Variants in GRM7 observed in about 807,000 individuals in gnomAD.
GRM7 encodes the protein glutamate metabotropic receptor 7, also known as metabotropic glutamate receptor 7.
A neutral mutation model predicts 84.5 loss-of-function variants in GRM7; 35 were observed. The observed-to-expected ratio is 0.41, with a 90% CI of 0.32 to 0.55. The LOEUF is 0.55. GRM7 is among the 20% of genes least tolerant of loss of function. The pLI, the probability that GRM7 is intolerant of heterozygous loss-of-function variation, is 0.19. For missense variants in GRM7, 1,003 were observed against 1,194.6 expected (o/e 0.84, Z 2.36); for synonymous variants, 487 against 455.1 (o/e 1.07, Z -0.89).
chr3:7,455,868 T>G (rs927956658), intron 6 of GRM7, among the ~76,000 whole-genome samples: 1 of 152,134 alleles, frequency 6.6e-6, no homozygotes, highest in African/African-American at 2.4e-5. Context: ...TTTAAAAAAC[T>G]CTTTACTTTT....
Position 6,861,161 on chromosome 3 carries a change from G to C in GRM7, c.-228G>C, listed in dbSNP as rs943562225. 2.3e-5 allele frequency: 10 copies of C among 436,080 alleles called. No individual in the cohort carries two copies. Among genetic ancestry groups the C allele is most frequent in the Non-Finnish European group, 4.0e-5 (10 of 250,340 alleles). The allele number at this position is 436,080 out of a possible 1,614,324, so 27.0% of individuals were successfully genotyped here. A position where few individuals can be genotyped will look rare whatever the true frequency, so the allele number is the denominator to read the frequency against. On this transcript the variant is annotated 5_prime_UTR_variant, in exon 1 of 10. Transcript: ENST00000357716. The surrounding 1 kb of genome is among the most constrained non-coding windows in gnomAD (Gnocchi z 6.4). Reference sequence around the variant, plus strand: ...GCGAGCAGCAAGCCGGTGAGCGCGAGCGCGGCGCGCCGGCCGGCTAACCCG... The same window carrying C: ...GCGAGCAGCAAGCCGGTGAGCGCGACCGCGGCGCGCCGGCCGGCTAACCCG...
intron 1 of GRM7, among the ~76,000 whole-genome samples, chr3:6,902,881 A>ACACACC (rs1210861394): frequency 7.0e-6 from 1 of 143,704 alleles, no homozygotes; most frequent in African/African-American, 2.6e-5. Context: ...ACACACACAC[A>ACACACC]CCCCTACTCT....
At chr3:7,473,229 A>G (rs1698773278) in intron 7 of GRM7, among the ~76,000 whole-genome samples, 1 of 152,212 alleles carries the variant, frequency 6.6e-6, no homozygotes, top group African/African-American at 2.4e-5. Context: ...GCACTTTGGG[A>G]AGCCAAGGCA....
At chr3:7,671,969 A>G (rs1179942565) in intron 8 of GRM7, among the ~76,000 whole-genome samples, 2 of 152,150 alleles carry the variant, frequency 1.3e-5, no homozygotes, top group Admixed American at 1.3e-4. Flanking sequence ...AAACTTGCCC[A>G]AAGTCACCCA....
rs1693038407 is a variant in GRM7 at position 7,349,507 on chromosome 3, G to A, written c.1033+42855G>A. Reference sequence around the variant, plus strand: ...CTCAGTCTCAAAGATACTCATAGATGGAAGAGAATATATTTTAACTTGTGG... The same window carrying A: ...CTCAGTCTCAAAGATACTCATAGATAGAAGAGAATATATTTTAACTTGTGG... On this transcript the variant is annotated intron_variant, in intron 4 of 9. Transcript: ENST00000357716. Among the ~76,000 whole-genome samples the A allele has an allele frequency of 2.0e-5, 3 of 152,086 alleles. No homozygotes were observed. In the South Asian group the frequency reaches 6.2e-4, roughly 32 times the overall value.
rs567586258 is a variant in GRM7, at chr3:7,458,185, A to G, written c.1376-3398A>G. On this transcript the variant is annotated intron_variant, in intron 6 of 9. Transcript: ENST00000357716. Reference sequence around the variant, plus strand: ...GAAAGAAACTCAGATACTCTCATCCAGTAGGGGAGATTTCGGGCTTCAGTA... The same window carrying G: ...GAAAGAAACTCAGATACTCTCATCCGGTAGGGGAGATTTCGGGCTTCAGTA... Among the ~76,000 whole-genome samples the G allele has an allele frequency of 3.9e-5, 6 of 152,300 alleles. 1 individual carries two copies. In the South Asian group the frequency reaches 1.0e-3, roughly 26 times the overall value.
intron 1 of GRM7, among the ~76,000 whole-genome samples, chr3:7,114,631 C>T (rs1013613584): frequency 6.6e-6 from 1 of 152,044 alleles, no homozygotes; most frequent in Non-Finnish European, 1.5e-5. Context: ...ATTGAGAAAA[C>T]TTTTTTCCTC....
intron 9 of GRM7, among the ~76,000 whole-genome samples, chr3:7,728,579 A>G (rs532994062): frequency 6.6e-6 from 1 of 152,302 alleles, no homozygotes; most frequent in East Asian, 1.9e-4. Context: ...TCAACCCAAG[A>G]TGGGTCCCAA....
chr3:7,471,272 TTTAGG>T (rs1698690652), intron 7 of GRM7, among the ~76,000 whole-genome samples: 1 of 150,184 alleles, frequency 6.7e-6, no homozygotes, highest in Non-Finnish European at 1.5e-5. Flanking sequence ...CTCACAGTTC[TTTAGG>T]TTAGAAGTCC....
chr3:7,527,981 G>T (rs1309136411), intron 7 of GRM7, among the ~76,000 whole-genome samples: 5 of 151,960 alleles, frequency 3.3e-5, no homozygotes, highest in Admixed American at 6.6e-5. Context: ...CTGACACATT[G>T]TTTTATTTTT....
intron 2 of GRM7, among the ~76,000 whole-genome samples, chr3:7,279,930 C>T (rs1218100130): frequency 6.6e-6 from 1 of 152,176 alleles, no homozygotes; most frequent in African/African-American, 2.4e-5. Flanking sequence ...GTTTTGAAAA[C>T]AGTAGCCTGT....
chr3:7,322,436 T>A (rs1700818679), intron 4 of GRM7, among the ~76,000 whole-genome samples: 1 of 152,050 alleles, frequency 6.6e-6, no homozygotes, highest in South Asian at 2.1e-4. Context: ...GGAACAGGTT[T>A]TTTTTTGTTG....
chr3:7,070,587 C>T (rs560899955), intron 1 of GRM7, among the ~76,000 whole-genome samples: 20 of 152,038 alleles, frequency 1.3e-4, no homozygotes, highest in Admixed American at 7.9e-4. Context: ...TGGAAATATC[C>T]GGATGACAAT....
chr3:6,893,979 A>T (rs1696071518), intron 1 of GRM7: 1 of 152,178 alleles, frequency 6.6e-6, no homozygotes, highest in Admixed American at 6.6e-5. Context: ...GGGGCATATG[A>T]ACAGCTTCCA....
intron 1 of GRM7, among the ~76,000 whole-genome samples, chr3:6,917,364 G>A (rs1312172673): frequency 1.0e-5 from 1 of 99,288 alleles, no homozygotes; most frequent in Non-Finnish European, 1.8e-5. Flanking sequence ...TTCATATAAG[G>A]TTAAATAAAA....
At chr3:7,193,868 C>T (rs1223781610) in intron 2 of GRM7, among the ~76,000 whole-genome samples, 1 of 152,052 alleles carries the variant, frequency 6.6e-6, no homozygotes, top group African/African-American at 2.4e-5. Flanking sequence ...CCTTGTAGCA[C>T]CAGACGTCAG....
intron 8 of GRM7, among the ~76,000 whole-genome samples, chr3:7,597,394 G>T (rs80017679): frequency 0.012 from 1,873 of 152,184 alleles, 45 homozygotes; most frequent in African/African-American, 0.043. Context: ...CATGAGATTT[G>T]GGAGGAGACA....
At chr3:7,468,862 T>C (rs1218603478) in intron 7 of GRM7, among the ~76,000 whole-genome samples, 1 of 152,214 alleles carries the variant, frequency 6.6e-6, no homozygotes, top group African/African-American at 2.4e-5. Flanking sequence ...GACTGTGAAT[T>C]TTCTGAGGCC....
chr3:7,214,114 CAA>C lies in GRM7; in HGVS notation c.736+67460_736+67461del, dbSNP rs34038958. ...ACAGAGCTCATCTGAACTAATCAGC[CAA>C]AAAAAAAAAAAAAGACAACACAGTG... On this transcript the variant is annotated intron_variant, in intron 2 of 9. Coordinates refer to ENST00000357716, the MANE Select transcript of GRM7 (RefSeq NM_000844.4). 9.8e-3 allele frequency among the ~76,000 whole-genome samples: 1,246 copies of C among 126,530 alleles called. 15 individuals are homozygous for C. Among genetic ancestry groups the C allele is most frequent in the African/African-American group, 0.031 (1,114 of 36,338 alleles). 83.0% of individuals were successfully genotyped at this position (126,530 alleles called of 152,430 possible). A position where few individuals can be genotyped will look rare whatever the true frequency, so the allele number is the denominator to read the frequency against.
Sources: allele counts gnomAD v4.1 joint callset (sites outside exome capture counted in the v4.1 genomes callset), GRCh38; gene constraint gnomAD v4.1.1; non-coding constraint Gnocchi (gnomAD v3.1); transcripts MANE v1.5; gene names NCBI Gene and HGNC (gene_info 2026-07-23, HGNC 2026-07-21).